The following CDKAL1 variants were observed in gnomAD, a reference collection of about 807,000 sequenced individuals.
CDKAL1 encodes the protein threonylcarbamoyladenosine tRNA methylthiotransferase.
CDKAL1 carries 32 observed loss-of-function variants against 68.2 expected under a neutral mutation model. The observed-to-expected ratio is 0.47, with a 90% CI of 0.35 to 0.63. The LOEUF (loss-of-function observed/expected upper bound fraction) is 0.63. Among genes scored for constraint, CDKAL1 ranks in the 30% least tolerant of loss-of-function variants. The pLI, the probability that CDKAL1 is intolerant of heterozygous loss-of-function variation, is 0.00. For missense variants in CDKAL1, 606 were observed against 696.7 expected (o/e 0.87, Z 1.47); for synonymous variants, 234 against 244.3 (o/e 0.96, Z 0.39).
chr6:21,103,987 C>G (rs1350862890), intron 12 of CDKAL1, among the ~76,000 whole-genome samples: 2 of 152,164 alleles, frequency 1.3e-5, no homozygotes, highest in East Asian at 3.8e-4. Flanking sequence ...TAGAGTAGTT[C>G]TCTTAACATT....
intron 13 of CDKAL1, among the ~76,000 whole-genome samples, chr6:21,196,479 G>T (rs1778474581): frequency 6.6e-6 from 1 of 152,162 alleles, no homozygotes; most frequent in Non-Finnish European, 1.5e-5. Context: ...TTCAGACAGT[G>T]AAAAGAGTCT....
At chr6:20,558,755 T>G in intron 4 of CDKAL1, 1 of 361,934 alleles carries the variant, frequency 2.8e-6, no homozygotes, top group Non-Finnish European at 5.5e-6. Context: ...TTAAAGGCGT[T>G]ACAATACATT....
rs1562001888 is a variant in CDKAL1, at chr6:21,065,361, G to T, written c.1236+133G>T. 4.2e-6 allele frequency: 3 copies of T among 708,738 alleles called. No individual in the cohort carries two copies. The East Asian group carries it at 9.0e-5, about 21-fold the overall frequency. 43.9% of individuals were successfully genotyped at this position (708,738 alleles called of 1,614,324 possible). A position where few individuals can be genotyped will look rare whatever the true frequency, so the allele number is the denominator to read the frequency against. ...AAATATGGAGAGATTTCCAAGTTGG[G>T]GTCAGGGGCCAGGGGGCCGTGGATG... is the stretch of plus-strand genomic sequence containing the variant. On this transcript the variant is annotated intron_variant, in intron 12 of 15. Transcript: ENST00000274695.
chr6:20,594,749 T>C (rs976977726), intron 4 of CDKAL1, among the ~76,000 whole-genome samples: 5 of 152,224 alleles, frequency 3.3e-5, no homozygotes, highest in African/African-American at 1.2e-4. Flanking sequence ...TTTTGCCCAT[T>C]AGTTGATGCA....
chr6:20,583,136 G>A (rs1363111226), intron 4 of CDKAL1, among the ~76,000 whole-genome samples: 2 of 152,166 alleles, frequency 1.3e-5, no homozygotes, highest in Admixed American at 6.5e-5. Flanking sequence ...TCTTAGCGGG[G>A]AGTTGGTAGA....
chr6:21,002,657 TA>T (rs747646615), intron 11 of CDKAL1, among the ~76,000 whole-genome samples: 5,432 of 67,994 alleles, frequency 0.08, 105 homozygotes, highest in Middle Eastern at 0.11. Context: ...TAACCTATTT[TA>T]AAAAAAAAAA....
At chr6:20,877,463 T>A (rs1446650376) in intron 9 of CDKAL1, among the ~76,000 whole-genome samples, 1 of 152,218 alleles carries the variant, frequency 6.6e-6, no homozygotes, top group East Asian at 1.9e-4. Flanking sequence ...ACAGGCTGAC[T>A]AGGACCAAGG....
intron 9 of CDKAL1, among the ~76,000 whole-genome samples, chr6:20,914,006 C>T (rs1185730821): frequency 6.6e-6 from 1 of 151,840 alleles, no homozygotes; most frequent in Non-Finnish European, 1.5e-5. Context: ...AGAAAAACAA[C>T]AGGCTGGGCA....
intron 12 of CDKAL1, among the ~76,000 whole-genome samples, chr6:21,098,865 G>A (rs1241306397): frequency 1.3e-5 from 2 of 152,102 alleles, no homozygotes; most frequent in African/African-American, 4.8e-5. Context: ...GCTCTCTAAG[G>A]AACAAGACAC....
In CDKAL1 at chr6:21,065,124, G is replaced by C. The variant is rs1324271849; in HGVS notation, c.1132G>C (p.Val378Leu). 6.2e-7 allele frequency: 1 copy of C among 1,607,402 alleles called. No individual in the cohort carries two copies. Among genetic ancestry groups the C allele is most frequent in the Non-Finnish European group, 8.5e-7 (1 of 1,177,086 alleles). Residue 378 changes from valine to leucine, a missense_variant, in exon 12 of 16, where the codon GTG (valine) becomes CTG (leucine). Val to Leu is a conservative substitution (Grantham distance 32, BLOSUM62 1). Coordinates refer to ENST00000274695, the MANE Select transcript of CDKAL1 (RefSeq NM_017774.3). ...AACAGATCAGGATTTTCAAGAAACA[G>C]TGAAACTTGTTGAAGAGTACAAATT... The part of the protein sequence containing the change: ...GETDQDFQET[V>L]KLVEEYKFPS...
At chr6:21,102,326 C>A (rs4712584) in intron 12 of CDKAL1, among the ~76,000 whole-genome samples, 1 of 152,070 alleles carries the variant, frequency 6.6e-6, no homozygotes, top group African/African-American at 2.4e-5. Context: ...ATGGGCCTAG[C>A]GTTGCCTACA....
intron 13 of CDKAL1, among the ~76,000 whole-genome samples, chr6:21,120,103 T>C (rs1582239116): frequency 6.6e-6 from 1 of 152,244 alleles, no homozygotes; most frequent in Non-Finnish European, 1.5e-5. Flanking sequence ...TTATTTGACA[T>C]TGTGTGCTCA....
intron 11 of CDKAL1, among the ~76,000 whole-genome samples, chr6:21,019,631 C>CA (rs1256200740): frequency 1.3e-5 from 2 of 152,186 alleles, no homozygotes; most frequent in Admixed American, 6.5e-5. Flanking sequence ...CTTGTAGCAG[C>CA]AGCCTGTGGT....
intron 7 of CDKAL1, among the ~76,000 whole-genome samples, chr6:20,780,232 T>C (rs1003953159): frequency 1.3e-5 from 2 of 152,184 alleles, no homozygotes; most frequent in Non-Finnish European, 2.9e-5. Flanking sequence ...CTTCCACTTT[T>C]TCTACAAGTG....
intron 9 of CDKAL1, among the ~76,000 whole-genome samples, chr6:20,895,517 G>A (rs1350662579): frequency 6.6e-6 from 1 of 152,168 alleles, no homozygotes; most frequent in Non-Finnish European, 1.5e-5. Context: ...AGAATCTAAA[G>A]TGTCTATCAG....
intron 7 of CDKAL1, among the ~76,000 whole-genome samples, chr6:20,763,515 G>T (rs892847263): frequency 1.1e-4 from 16 of 152,250 alleles, no homozygotes; most frequent in Admixed American, 1.0e-3. Context: ...GCAAGGCTCT[G>T]CCCAGAAGGG....
intron 4 of CDKAL1, among the ~76,000 whole-genome samples, chr6:20,645,201 C>A (rs1047721717): frequency 1.3e-5 from 2 of 152,098 alleles, no homozygotes; most frequent in African/African-American, 4.8e-5. Context: ...CTGGGACATA[C>A]CCTGCACCCT....
intron 4 of CDKAL1, among the ~76,000 whole-genome samples, chr6:20,643,293 C>G (rs113811465): frequency 6.6e-6 from 1 of 152,086 alleles, no homozygotes; most frequent in African/African-American, 2.4e-5. Flanking sequence ...CATGAATGTT[C>G]TAAGGCAAGA....
chr6:20,765,125 G>A (rs1274204414), intron 7 of CDKAL1, among the ~76,000 whole-genome samples: 2 of 150,804 alleles, frequency 1.3e-5, no homozygotes, highest in African/African-American at 2.4e-5. Flanking sequence ...ATTTCCCATT[G>A]CAAAGGTAAT....
Sources: gnomAD v4.1 joint callset for allele counts (sites outside exome capture counted in the v4.1 genomes callset) on GRCh38, gnomAD v4.1.1 for gene constraint, MANE v1.5 for transcripts, NCBI Gene and HGNC (gene_info 2026-07-23, HGNC 2026-07-21) for gene names.